FRAS1: variants seen among roughly 807,000 people sequenced by gnomAD.
FRAS1 encodes extracellular matrix organizing protein FRAS1.
FRAS1 carries 290 observed loss-of-function variants against 435.2 expected under a neutral mutation model. That is an observed-to-expected ratio of 0.67 (90% confidence interval 0.61 to 0.73). The LOEUF (loss-of-function observed/expected upper bound fraction) is 0.73, where lower values mean the gene tolerates loss of function less well. Ranked by LOEUF, FRAS1 falls within the 30% of genes least tolerant of loss-of-function variation. The pLI is 0.00. For synonymous variants in FRAS1, 1,800 were observed against 1,851.0 expected (o/e 0.97, Z 0.71); for missense variants, 4,860 against 5,001.5 (o/e 0.97, Z 0.85).
At position 78,451,832 on chromosome 4, in the gene FRAS1, A is replaced by T. The variant is rs765968194; in HGVS notation, c.6524A>T (p.Asp2175Val). 2.5e-6 allele frequency: 4 copies of T among 1,613,080 alleles called. No individual in the cohort carries two copies. The South Asian group carries it at 3.3e-5, about 13-fold the overall frequency. ...EPGGSFAFKF[D>V]VVDGEGNRLI... ...GGAGGGAGCTTTGCTTTTAAATTTG[A>T]TGTGGTTGATGGAGAAGGCAACAGA... is the stretch of plus-strand genomic sequence containing the variant. The change falls in exon 46 of 74, where the codon GAT (aspartate) becomes GTT (valine). Residue 2175 changes from aspartate to valine, a missense_variant. Coordinates refer to ENST00000512123, the MANE Select transcript of FRAS1 (RefSeq NM_025074.7).
chr4:78,226,565 C>T (rs1057094274), intron 2 of FRAS1, among the ~76,000 whole-genome samples: 1 of 151,344 alleles, frequency 6.6e-6, no homozygotes, highest in Non-Finnish European at 1.5e-5. Flanking sequence ...TCAGTTTTGG[C>T]ATTTTTATTT....
chr4:78,179,485 G>A (rs1275979153), intron 2 of FRAS1, among the ~76,000 whole-genome samples: 1 of 152,138 alleles, frequency 6.6e-6, no homozygotes, highest in African/African-American at 2.4e-5. Flanking sequence ...AAAAATGTGA[G>A]TTGTATAAAA....
chr4:78,377,761 G>A (rs1034780299), intron 26 of FRAS1, among the ~76,000 whole-genome samples: 2 of 152,080 alleles, frequency 1.3e-5, no homozygotes, highest in Non-Finnish European at 2.9e-5. Context: ...ATCAGGATAG[G>A]ACTGTGGTTC....
chr4:78,402,673 A>T (rs1732936747), intron 30 of FRAS1, among the ~76,000 whole-genome samples: 1 of 151,814 alleles, frequency 6.6e-6, no homozygotes, highest in Admixed American at 6.5e-5. Context: ...CTATTAATCA[A>T]TTCACAGGCC....
intron 45 of FRAS1, 126 bp from the exon 46 acceptor site, chr4:78,451,646 G>T: frequency 3.2e-6 from 2 of 634,550 alleles, no homozygotes; most frequent in Non-Finnish European, 2.5e-6. Flanking sequence ...GTCAAAAGCA[G>T]TGTCAAAGCG....
At chr4:78,108,582 T>C (rs1342454734) in intron 2 of FRAS1, among the ~76,000 whole-genome samples, 1 of 100,582 alleles carries the variant, frequency 9.9e-6, no homozygotes, top group South Asian at 3.3e-4. Context: ...CCAGAATCTC[T>C]GGGACACATT....
intron 2 of FRAS1, among the ~76,000 whole-genome samples, chr4:78,086,756 G>A (rs1741200693): frequency 6.6e-6 from 1 of 151,418 alleles, no homozygotes; most frequent in Admixed American, 6.6e-5. Context: ...TAAACTAATA[G>A]GCTCTGAAAT....
At chr4:78,214,455 A>G (rs975862108) in intron 2 of FRAS1, among the ~76,000 whole-genome samples, 15 of 152,224 alleles carry the variant, frequency 9.9e-5, no homozygotes, top group Admixed American at 2.6e-4. Context: ...TCTGGCTTCA[A>G]GAACTGTTAA....
At chr4:78,095,581 A>C (rs1741760140) in intron 2 of FRAS1, among the ~76,000 whole-genome samples, 1 of 152,246 alleles carries the variant, frequency 6.6e-6, no homozygotes, top group South Asian at 2.1e-4. Context: ...ATGGACATAT[A>C]ATTCCAAGTG....
intron 2 of FRAS1, among the ~76,000 whole-genome samples, chr4:78,105,071 C>T (rs72654645): frequency 6.6e-6 from 1 of 152,104 alleles, no homozygotes; most frequent in Non-Finnish European, 1.5e-5. Context: ...GCTTAGAAAG[C>T]CTGCTGTTCT....
intron 33 of FRAS1, among the ~76,000 whole-genome samples, chr4:78,420,541 C>G (rs1733732716): frequency 6.6e-6 from 1 of 152,190 alleles, no homozygotes; most frequent in African/African-American, 2.4e-5. Flanking sequence ...GCAGCCCCTA[C>G]AGCATTTATC....
intron 61 of FRAS1, among the ~76,000 whole-genome samples, chr4:78,501,789 C>T (rs1208812066): frequency 2.0e-5 from 3 of 152,128 alleles, no homozygotes; most frequent in South Asian, 2.1e-4. Context: ...GTCATGAAGT[C>T]GTTACCCATG....
chr4:78,115,154 C>G (rs1228087067), intron 2 of FRAS1, among the ~76,000 whole-genome samples: 2 of 151,192 alleles, frequency 1.3e-5, no homozygotes, highest in Non-Finnish European at 3.0e-5. Flanking sequence ...TATGTTGAAC[C>G]AGCCTTGCAT....
At chr4:78,208,187 G>T (rs1385787401) in intron 2 of FRAS1, among the ~76,000 whole-genome samples, 1 of 152,148 alleles carries the variant, frequency 6.6e-6, no homozygotes, top group Non-Finnish European at 1.5e-5. Flanking sequence ...AGACCCAGAA[G>T]AGAGATAACA....
intron 14 of FRAS1, among the ~76,000 whole-genome samples, chr4:78,304,628 T>C (rs1254844522): frequency 6.6e-6 from 1 of 152,068 alleles, no homozygotes; most frequent in Non-Finnish European, 1.5e-5. Context: ...ACCCATTTCT[T>C]CTAGATTTTC....
chr4:78,223,483 C>T (rs889818210), intron 2 of FRAS1, among the ~76,000 whole-genome samples: 4 of 152,154 alleles, frequency 2.6e-5, no homozygotes, highest in African/African-American at 9.7e-5. Flanking sequence ...ATTTGATCAT[C>T]TTGGTGGTTT....
At chr4:78,364,566 T>C (rs766595680) in intron 22 of FRAS1, among the ~76,000 whole-genome samples, 2 of 152,202 alleles carry the variant, frequency 1.3e-5, no homozygotes, top group African/African-American at 2.4e-5. Flanking sequence ...TTTGGACTTG[T>C]ATGGGAGTTA....
intron 73 of FRAS1, among the ~76,000 whole-genome samples, chr4:78,540,000 G>T (rs1284883386): frequency 6.6e-6 from 1 of 152,150 alleles, no homozygotes; most frequent in Non-Finnish European, 1.5e-5. Context: ...AAGATGAGGG[G>T]GAGATAAAAT....
chr4:78,432,472 A>T lies in FRAS1; in HGVS notation c.5085A>T (p.Thr1695=). Residue 1695 remains threonine (T), a synonymous_variant, in exon 38 of 74, where the codon ACA becomes ACT. Transcript: ENST00000512123. ...EISVTDGLTV[T]MLEVRVEVSL... ...CAGTCACAGATGGCCTCACAGTGAC[A>T]ATGCTGGAGGTGAGAGTAGAGGTGT... The T allele has an allele frequency of 6.2e-7, 1 of 1,613,434 alleles. No homozygotes were observed. Among genetic ancestry groups the T allele is most frequent in the South Asian group, 1.1e-5 (1 of 90,884 alleles).
Sources: gnomAD v4.1 joint callset for allele counts (sites outside exome capture counted in the v4.1 genomes callset) on GRCh38, gnomAD v4.1.1 for gene constraint, MANE v1.5 for transcripts, NCBI Gene and HGNC (gene_info 2026-07-23, HGNC 2026-07-21) for gene names.